Variants in DCC observed in about 807,000 individuals in gnomAD.
DCC encodes DCC netrin 1 receptor, also known as netrin receptor DCC.
In DCC, 58 loss-of-function variants were observed where a neutral mutation model predicts 172.5. The observed-to-expected ratio is 0.34, with a 90% CI of 0.27 to 0.42. The LOEUF is 0.42. Among genes scored for constraint, DCC ranks in the 10% least tolerant of loss-of-function variants. DCC has a pLI of 1.00. For missense variants in DCC, 1,740 were observed against 1,791.0 expected, an observed-to-expected ratio of 0.97 and a Z score of 0.51; for synonymous variants, 709 against 644.5, an observed-to-expected ratio of 1.10 and a Z score of -1.52.
At chr18:53,382,351 G>GA (rs930137141) in intron 15 of DCC, among the ~76,000 whole-genome samples, 11 of 151,642 alleles carry the variant, frequency 7.3e-5, no homozygotes, top group South Asian at 2.1e-4. Context: ...TTTCCCAGTG[G>GA]AAAAAAAAGT....
At chr18:53,341,280 G>T (rs973512693) in intron 15 of DCC, among the ~76,000 whole-genome samples, 1 of 152,178 alleles carries the variant, frequency 6.6e-6, no homozygotes, top group Non-Finnish European at 1.5e-5. Flanking sequence ...TGCAAACTCA[G>T]AAGGAAGTCA....
At chr18:53,090,664 A>G (rs1411549647) in intron 7 of DCC, among the ~76,000 whole-genome samples, 1 of 130,628 alleles carries the variant, frequency 7.7e-6, no homozygotes, top group Non-Finnish European at 1.6e-5. Flanking sequence ...ACTGCACTCC[A>G]GCCTGGGTGA....
rs373611427 is a variant in DCC at position 53,366,246 on chromosome 18, G to T, written c.2360-19797G>T. Reference sequence around the variant, plus strand: ...TAATTTTTGTGTTTTTAGTAGAGACGGGGTTTCACCAGGTTGGTCTAGAAC... The same window carrying T: ...TAATTTTTGTGTTTTTAGTAGAGACTGGGTTTCACCAGGTTGGTCTAGAAC... On this transcript the variant is annotated intron_variant, in intron 15 of 28. Coordinates refer to ENST00000442544, the MANE Select transcript of DCC (RefSeq NM_005215.4). Among the ~76,000 whole-genome samples the T allele has an allele frequency of 9.1e-4, 139 of 152,022 alleles. 1 individual carries two copies. The highest frequency in any genetic ancestry group is 3.0e-3 in the African/African-American group (123 of 41,454).
At chr18:52,788,508 G>A (rs752730231) in intron 2 of DCC, among the ~76,000 whole-genome samples, 55 of 152,068 alleles carry the variant, frequency 3.6e-4, no homozygotes, top group Non-Finnish European at 5.6e-4. Context: ...GCATTTTGAC[G>A]ACACTTGCAT....
At chr18:52,660,492 T>C (rs1057473378) in intron 1 of DCC, among the ~76,000 whole-genome samples, 1 of 152,188 alleles carries the variant, frequency 6.6e-6, no homozygotes. Context: ...GGTTCAAGTT[T>C]ACTGTGCCTT....
chr18:53,173,629 C>A (rs1339717677), intron 8 of DCC, among the ~76,000 whole-genome samples: 1 of 152,056 alleles, frequency 6.6e-6, no homozygotes. Flanking sequence ...GAAGAGCTAA[C>A]TATCCTAAAT....
intron 2 of DCC, among the ~76,000 whole-genome samples, chr18:52,832,925 C>T (rs534420064): frequency 1.2e-4 from 18 of 151,646 alleles, no homozygotes; most frequent in Admixed American, 2.6e-4. Flanking sequence ...TTTTTTTTTC[C>T]AAAATTTAAA....
intron 1 of DCC, among the ~76,000 whole-genome samples, chr18:52,736,662 C>T (rs1568072031): frequency 6.6e-6 from 1 of 152,256 alleles, no homozygotes; most frequent in East Asian, 1.9e-4. Flanking sequence ...TTTAAAATTA[C>T]AATCCTAGTA....
intron 1 of DCC, among the ~76,000 whole-genome samples, chr18:52,544,634 GA>G (rs1414372636): frequency 6.6e-6 from 1 of 152,096 alleles, no homozygotes; most frequent in Non-Finnish European, 1.5e-5. Context: ...CAAGGCTTTA[GA>G]ACAGTGAGCA....
intron 2 of DCC, among the ~76,000 whole-genome samples, chr18:52,764,089 G>T (rs1018630976): frequency 1.3e-5 from 2 of 152,170 alleles, no homozygotes; most frequent in African/African-American, 4.8e-5. Flanking sequence ...TAATCAAACG[G>T]TATGAACATT....
At chr18:52,370,050 A>G (rs1297519400) in intron 1 of DCC, among the ~76,000 whole-genome samples, 4 of 152,182 alleles carry the variant, frequency 2.6e-5, no homozygotes, top group African/African-American at 9.7e-5. Flanking sequence ...ACTCCCACTA[A>G]CAGTGTAAAA....
At chr18:53,395,981 G>T (rs191096958) in intron 17 of DCC, among the ~76,000 whole-genome samples, 2 of 152,184 alleles carry the variant, frequency 1.3e-5, no homozygotes, top group East Asian at 3.9e-4. Context: ...AATATTTGAG[G>T]TCATCACTTT....
At chr18:52,822,826 G>GGT (rs2038431351) in intron 2 of DCC, among the ~76,000 whole-genome samples, 1 of 152,116 alleles carries the variant, frequency 6.6e-6, no homozygotes, top group African/African-American at 2.4e-5. Flanking sequence ...TCCACAAGAA[G>GGT]GTTAATTATG....
intron 5 of DCC, among the ~76,000 whole-genome samples, chr18:53,058,195 A>G (rs1353155278): frequency 2.6e-5 from 4 of 152,148 alleles, no homozygotes; most frequent in Admixed American, 6.6e-5. Flanking sequence ...AAATCATCCT[A>G]AAGAGCCATT....
rs571330332 is a variant in DCC at position 52,705,682 on chromosome 18, T to C, written c.92-46372T>C. 2.6e-5 allele frequency among the ~76,000 whole-genome samples: 4 copies of C among 152,330 alleles called. 1 individual carries two copies. In the South Asian group the frequency reaches 8.3e-4, roughly 32 times the overall value. On this transcript the variant is annotated intron_variant, in intron 1 of 28. Transcript: ENST00000442544. ...GATCTTGATCTAGCTTTTATCATTC[T>C]GTGCTGTGTGTTTTTAACCACATCA...
At chr18:52,934,635 T>C (rs148431236) in intron 5 of DCC, 20 of 152,276 alleles carry the variant, frequency 1.3e-4, no homozygotes, top group Non-Finnish European at 1.8e-4. Context: ...ATTATGTCCT[T>C]TCGAAATTCA....
chr18:53,450,027 C>T (rs1009162830), intron 22 of DCC, among the ~76,000 whole-genome samples: 2 of 152,032 alleles, frequency 1.3e-5, no homozygotes, highest in African/African-American at 4.8e-5. Context: ...TGGCTTCTCT[C>T]ACTTAGCACA....
At chr18:52,408,707 GA>G (rs1188352528) in intron 1 of DCC, among the ~76,000 whole-genome samples, 1 of 152,008 alleles carries the variant, frequency 6.6e-6, no homozygotes, top group Non-Finnish European at 1.5e-5. Flanking sequence ...TATGGTACTG[GA>G]AAAAATATAA....
In DCC at chr18:52,517,974, T is replaced by C. The variant is rs564780148; in HGVS notation, c.91+177096T>C. On this transcript the variant is annotated intron_variant, in intron 1 of 28. Transcript: ENST00000442544. The stretch of plus-strand genomic sequence containing the variant: ...TATTTTATTGTTGATGGACATTTTT[T>C]CCTTCACTTTTGACTATTATGAATA... Among the ~76,000 whole-genome samples, 5 of 152,326 alleles carry C rather than the reference T, an allele frequency of 3.3e-5. No individual in the cohort carries two copies. In the South Asian group the frequency reaches 1.0e-3, roughly 32 times the overall value.
Sources: allele counts gnomAD v4.1 joint callset (sites outside exome capture counted in the v4.1 genomes callset), GRCh38; gene constraint gnomAD v4.1.1; transcripts MANE v1.5; gene names NCBI Gene and HGNC (gene_info 2026-07-23, HGNC 2026-07-21).